The following LYST variants were observed in gnomAD, a reference collection of about 807,000 sequenced individuals.
The protein encoded by LYST is lysosomal trafficking regulator.
Under a neutral mutation model 413.6 loss-of-function variants are expected in LYST, and 192 were observed. That is an observed-to-expected ratio of 0.46 (90% CI 0.41 to 0.52). LYST has a LOEUF of 0.52. Ranked by LOEUF, LYST falls within the 20% of genes least tolerant of loss-of-function variation. The probability of loss-of-function intolerance (pLI) is 0.00; values close to 1 mark genes in which losing one functional copy is unlikely to be tolerated. For synonymous variants in LYST, 1,525 were observed against 1,567.3 expected (o/e 0.97, Z 0.64); for missense variants, 3,815 against 4,499.9 (o/e 0.85, Z 4.35).
intron 49 of LYST, 88 bp downstream of exon 49, chr1:235,677,392 A>G: frequency 2.9e-6 from 4 of 1,364,790 alleles, no homozygotes; most frequent in Non-Finnish European, 4.2e-6. Context: ...ATTATAACGT[A>G]AAGACATTAT....
chr1:235,817,926 C>T (rs1289688762), intron 3 of LYST, among the ~76,000 whole-genome samples: 1 of 152,036 alleles, frequency 6.6e-6, no homozygotes, highest in Non-Finnish European at 1.5e-5. Context: ...TTGAAGGAAT[C>T]CACTGGCAAT....
Position 235,681,935 on chromosome 1 carries a change from T to C in LYST, c.10801-4316A>G, listed in dbSNP as rs961499266. ...GTTCCAATGAATCAGCTGTGACACG[T>C]TGGGCAAGTTACAAGAAGGATTAAC... On this transcript the variant is annotated intron_variant, in intron 48 of 52. Transcript: ENST00000389793. Among the ~76,000 whole-genome samples, 6 of 152,108 alleles carry C rather than the reference T, an allele frequency of 3.9e-5. No individual in the cohort carries two copies. In the South Asian group the frequency reaches 6.2e-4, roughly 16 times the overall value.
chr1:235,673,660 G>A (rs559404147), intron 50 of LYST, among the ~76,000 whole-genome samples: 3 of 152,152 alleles, frequency 2.0e-5, no homozygotes, highest in South Asian at 4.2e-4. Flanking sequence ...TGCTTCTATG[G>A]TCTAGGAGAA....
At chr1:235,879,769 C>T (rs1354694915) in intron 1 of LYST, among the ~76,000 whole-genome samples, 1 of 150,350 alleles carries the variant, frequency 6.7e-6, no homozygotes, top group East Asian at 1.9e-4. Flanking sequence ...CGGAGTCTCG[C>T]TCTGTCGCCC....
chr1:235,815,794 A>T (rs1673989199), intron 3 of LYST, among the ~76,000 whole-genome samples: 3 of 152,176 alleles, frequency 2.0e-5, no homozygotes, highest in African/African-American at 4.8e-5. Flanking sequence ...GATGACACAA[A>T]CAAATGGAGA....
At chr1:235,737,281 G>T (rs899096542) in intron 31 of LYST, 7 of 152,120 alleles carry the variant, frequency 4.6e-5, no homozygotes, top group Admixed American at 3.3e-4. Flanking sequence ...GCAAATAAGT[G>T]ATTATGTTAA....
At chr1:235,731,759 T>A (rs1269107937) in intron 34 of LYST, among the ~76,000 whole-genome samples, 2 of 152,048 alleles carry the variant, frequency 1.3e-5, no homozygotes, top group East Asian at 3.9e-4. Context: ...GGTTTCATCA[T>A]GTCGGCCAGG....
intron 14 of LYST, among the ~76,000 whole-genome samples, chr1:235,784,004 C>A (rs933827407): frequency 6.6e-6 from 1 of 151,962 alleles, no homozygotes; most frequent in African/African-American, 2.4e-5. Flanking sequence ...CTCAGTGTCC[C>A]GAATAGCTGG....
chr1:235,868,059 A>T (rs1367289266), upstream of LYST, among the ~76,000 whole-genome samples: 1 of 152,198 alleles, frequency 6.6e-6, no homozygotes, highest in Non-Finnish European at 1.5e-5. Context: ...CTTGGGGAAA[A>T]TTCCCCACTT....
rs1005747188 is a variant in LYST at position 235,830,346 on chromosome 1, G to A, written c.72C>T (p.Val24=). ...CTTCCTCCCTGGCCTCCACCCTCTG[G>A]ACCACTGCATTGCAAAGCCGGTTGA... ...TDVNRLCNAV[V]QRVEAREEEE... Residue 24 remains valine, a synonymous_variant, in exon 3 of 53, where the codon GTC becomes GTT. Transcript: ENST00000389793. 11 of 1,613,490 alleles carry A rather than the reference G, an allele frequency of 6.8e-6. No homozygotes were observed. Among genetic ancestry groups the A allele is most frequent in the East Asian group, 2.2e-5 (1 of 44,844 alleles).
At chr1:235,726,116 T>TAA (rs1663843176) in intron 38 of LYST, among the ~76,000 whole-genome samples, 1 of 152,194 alleles carries the variant, frequency 6.6e-6, no homozygotes, top group African/African-American at 2.4e-5. Context: ...TTTTCTTTTT[T>TAA]AAATCAGTTT....
At position 235,759,608 on chromosome 1, in the gene LYST, A is replaced by G. The variant is rs1230988530; in HGVS notation, c.6254-9T>C. On this transcript the variant is annotated splice_polypyrimidine_tract_variant and intron_variant, in intron 22 of 52. Transcript: ENST00000389793. ...ATTAGAGGAATTCTCTCCTGGTAAGAGTAGATACAAAAATACTACTTAAAA... is the reference window on the plus strand; with the variant it reads ...ATTAGAGGAATTCTCTCCTGGTAAGGGTAGATACAAAAATACTACTTAAAA... 6.2e-7 allele frequency: 1 copy of G among 1,607,290 alleles called. No individual in the cohort carries two copies. Among genetic ancestry groups the G allele is most frequent in the Non-Finnish European group, 8.5e-7 (1 of 1,174,276 alleles).
At chr1:235,712,829 C>T (rs1199124906) in intron 42 of LYST, 3 of 984,698 alleles carry the variant, frequency 3.0e-6, no homozygotes, top group Non-Finnish European at 3.6e-6. Flanking sequence ...CCAGGGTAGA[C>T]TATTAATAAT....
At chr1:235,707,491 T>C (rs1158113580) in intron 44 of LYST, among the ~76,000 whole-genome samples, 1 of 151,818 alleles carries the variant, frequency 6.6e-6, no homozygotes, top group South Asian at 2.1e-4. Context: ...GGTGCGGTGG[T>C]GGGCGCCTGT....
At chr1:235,724,313 A>AAGAG in intron 38 of LYST, 133 bp from the exon 39 acceptor site, 1 of 709,690 alleles carries the variant, frequency 1.4e-6, no homozygotes, top group East Asian at 2.7e-5. Context: ...GATTACCTGA[A>AAGAG]AACTCTCCCA....
chr1:235,762,426 T>C (rs746554031), intron 22 of LYST, among the ~76,000 whole-genome samples: 32 of 152,182 alleles, frequency 2.1e-4, no homozygotes, highest in Non-Finnish European at 4.4e-4. Flanking sequence ...ATGATGGTTT[T>C]AGGTAGACAG....
chr1:235,784,686 A>G (rs569833329), intron 14 of LYST, among the ~76,000 whole-genome samples: 1 of 152,294 alleles, frequency 6.6e-6, no homozygotes, highest in East Asian at 1.9e-4. Flanking sequence ...AAATCAGGTA[A>G]TCTGTATAAA....
chr1:235,804,693 T>C (rs749277578), intron 6 of LYST, 28 bp from the exon 7 acceptor site: 72 of 1,305,732 alleles, frequency 5.5e-5, no homozygotes, highest in Middle Eastern at 1.8e-4. Flanking sequence ...AGACTAAGAA[T>C]ATTAATAACC....
intron 11 of LYST, 39 bp from the exon 12 acceptor site, chr1:235,792,164 G>A (rs562706890): frequency 2.9e-5 from 37 of 1,278,614 alleles, no homozygotes; most frequent in Admixed American, 2.7e-4. Flanking sequence ...TTCTAATCAC[G>A]TAATAAAGTA....
Sources: allele counts gnomAD v4.1 joint callset (sites outside exome capture counted in the v4.1 genomes callset), GRCh38; gene constraint gnomAD v4.1.1; transcripts MANE v1.5; gene names NCBI Gene and HGNC (gene_info 2026-07-23, HGNC 2026-07-21).